Variants in LLGL2 observed in about 807,000 individuals in gnomAD.
LLGL2 encodes the protein LLGL scribble cell polarity complex component 2, also known as LLGL2, scribble cell polarity complex component.
A neutral mutation model predicts 123.2 loss-of-function variants in LLGL2; 81 were observed. The ratio of observed to expected loss-of-function variants is 0.66; its 90% confidence interval spans 0.55 to 0.79. LLGL2 has a LOEUF of 0.79. Among genes scored for constraint, LLGL2 ranks in the 30% least tolerant of loss-of-function variants. The pLI is 0.00. For missense variants in LLGL2, 1,273 were observed against 1,414.6 expected (o/e 0.90, Z 1.61); for synonymous variants, 577 against 594.1 (o/e 0.97, Z 0.42).
intron 1 of LLGL2, among the ~76,000 whole-genome samples, chr17:75,539,459 G>A (rs946612309): frequency 8.3e-5 from 9 of 108,664 alleles, no homozygotes; most frequent in Admixed American, 2.6e-4. Context: ...CAGGCTGGTC[G>A]TCTCCAGCTC....
chr17:75,564,766 A>T lies in LLGL2; in HGVS notation c.1036+259A>T. The T allele has an allele frequency of 8.6e-6, 3 of 347,486 alleles. No individual in the cohort carries two copies. The highest frequency in any genetic ancestry group is 2.2e-5 in the African/African-American group (1 of 45,646). 21.5% of individuals were successfully genotyped at this position (347,486 alleles called of 1,614,324 possible). ...GTAGTCCTAGCTACTCAGGAGGCTG[A>T]GGTGGGAGGATCACTTGAGCCTGGG... is the stretch of plus-strand genomic sequence containing the variant. On this transcript the variant is annotated intron_variant, in intron 10 of 25. Transcript: ENST00000392550. The surrounding 1 kb of genome is among the most constrained non-coding windows in gnomAD (Gnocchi z 4.9).
intron 1 of LLGL2, among the ~76,000 whole-genome samples, chr17:75,538,064 G>A (rs1347469905): frequency 3.3e-5 from 5 of 152,184 alleles, no homozygotes; most frequent in Admixed American, 3.3e-4. Flanking sequence ...GCCCGCCTTG[G>A]CCTCCCAAAC....
chr17:75,559,721 C>CT lies in LLGL2; in HGVS notation c.530+312dup, dbSNP rs2055112437. Reference sequence around the variant, plus strand: ...GCCATGGGTTTCAGAACCCCAGGGGCTCCGCAGCGGGGAAGTCGGGCCCAG... The same window carrying CT: ...GCCATGGGTTTCAGAACCCCAGGGGCTTCCGCAGCGGGGAAGTCGGGCCCAG... On this transcript the variant is annotated intron_variant, in intron 6 of 25. Transcript: ENST00000392550. The surrounding 1 kb of genome is among the most constrained non-coding windows in gnomAD (Gnocchi z 4.6). Among the ~76,000 whole-genome samples the CT allele has an allele frequency of 6.6e-6, 1 of 152,236 alleles. No individual in the cohort carries two copies. Among genetic ancestry groups the CT allele is most frequent in the African/African-American group, 2.4e-5 (1 of 41,468 alleles).
At position 75,570,039 on chromosome 17, in the gene LLGL2, A is replaced by G. The variant is rs1333361934; in HGVS notation, c.1658A>G (p.Gln553Arg). The G allele has an allele frequency of 6.2e-7, 1 of 1,612,676 alleles. No homozygotes were observed. The highest frequency in any genetic ancestry group is 8.5e-7 in the Non-Finnish European group (1 of 1,179,804). ...EQVEADLLQD[Q>R]EGYRWKGHER... Reference sequence around the variant, plus strand: ...GTGGAGGCCGACCTGCTGCAGGACCAAGAGGGCTACCGCTGGAAGGGGCAC... The same window carrying G: ...GTGGAGGCCGACCTGCTGCAGGACCGAGAGGGCTACCGCTGGAAGGGGCAC... Residue 553 changes from glutamine (Q) to arginine (R), a missense_variant, in exon 15 of 26, where the codon CAA (glutamine) becomes CGA (arginine). Gln to Arg is a conservative substitution (Grantham distance 43, BLOSUM62 1). Coordinates refer to ENST00000392550, the MANE Select transcript of LLGL2 (RefSeq NM_001031803.2).
rs2054336668 is a variant in LLGL2 at position 75,544,454 on chromosome 17, C to A, written c.75+953C>A. Among the ~76,000 whole-genome samples, 1 of 152,224 alleles carries A rather than the reference C, an allele frequency of 6.6e-6. No individual in the cohort carries two copies. Among genetic ancestry groups the A allele is most frequent in the Admixed American group, 6.5e-5 (1 of 15,278 alleles). On this transcript the variant is annotated intron_variant, in intron 2 of 25. Transcript: ENST00000392550. This position sits in a 1 kb window ranked among gnomAD's most constrained non-coding sequence, Gnocchi z 4.2. ...GTCTCCCTGTGGAGAATGAGGAAGT[C>A]TCTTTGGTTGTATTTTTGTTATTGA...
chr17:75,549,930 TGGCG>T lies in LLGL2; in HGVS notation c.76-6114_76-6111del, dbSNP rs1015000982. Among the ~76,000 whole-genome samples the T allele has an allele frequency of 6.6e-6, 1 of 152,252 alleles. No individual in the cohort carries two copies. The highest frequency in any genetic ancestry group is 2.4e-5 in the African/African-American group (1 of 41,470). On this transcript the variant is annotated intron_variant, in intron 2 of 25. Transcript: ENST00000392550. The surrounding 1 kb of genome is among the most constrained non-coding windows in gnomAD (Gnocchi z 4.0). Reference sequence around the variant, plus strand: ...CCTACTCCAGGCTAACGTTGCAGTCTGGCGGCTTCTGCAAATCTTTGCTCTCCTT... The same window carrying T: ...CCTACTCCAGGCTAACGTTGCAGTCTGCTTCTGCAAATCTTTGCTCTCCTT...
Position 75,571,072 on chromosome 17 carries a change from G to A in LLGL2, c.2148G>A (p.Leu716=), listed in dbSNP as rs2055685748. The part of the protein sequence containing the change: ...EDSFTGFVRT[L]YFADTYLKDS... ...CCTTCACAGGCTTCGTCCGGACCCTGTACTTTGCTGACACCTACCTGAAGG... is the reference window on the plus strand; with the variant it reads ...CCTTCACAGGCTTCGTCCGGACCCTATACTTTGCTGACACCTACCTGAAGG... Residue 716 remains leucine, a synonymous_variant, in exon 17 of 26, where the codon CTG becomes CTA. Coordinates refer to ENST00000392550, the MANE Select transcript of LLGL2 (RefSeq NM_001031803.2). 1 of 1,605,734 alleles carries A rather than the reference G, an allele frequency of 6.2e-7. No homozygotes were observed. The highest frequency in any genetic ancestry group is 8.5e-7 in the Non-Finnish European group (1 of 1,175,686).
In LLGL2 at chr17:75,568,688, A is replaced by G. The variant is rs772979528; in HGVS notation, c.1249A>G (p.Thr417Ala). 8.7e-6 allele frequency: 14 copies of G among 1,613,308 alleles called. No individual in the cohort carries two copies. In the African/African-American group the frequency reaches 1.7e-4, roughly 20 times the overall value. Residue 417 changes from threonine (T) to alanine (A), a missense_variant, in exon 11 of 26, where the codon ACC (threonine) becomes GCC (alanine). Coordinates refer to ENST00000392550, the MANE Select transcript of LLGL2 (RefSeq NM_001031803.2). ...AGSRQNAHFS[T>A]MEWPIDGGTS... ...CAGCCGGCAGAACGCACACTTCTCC[A>G]CCATGGTAGGTCTGGCCCTGGCCCC...
chr17:75,560,632 A>T (rs1404183280), intron 6 of LLGL2, among the ~76,000 whole-genome samples: 1 of 144,872 alleles, frequency 6.9e-6, no homozygotes, highest in Admixed American at 6.8e-5. Context: ...GATTACAGGC[A>T]TGCGCTACCA....
rs771615987 is a variant in LLGL2, at chr17:75,569,292, C to T, written c.1548C>T (p.Ser516=). Residue 516 remains serine (S), a synonymous_variant, in exon 14 of 26, where the codon AGC becomes AGT. Coordinates refer to ENST00000392550, the MANE Select transcript of LLGL2 (RefSeq NM_001031803.2). ...GIQKIFLCKY[S]GYLAVAGTAG... is the part of the protein sequence containing the mutation. ...AGAAGATCTTCCTCTGCAAGTACAG[C>T]GGCTACCTGGCTGTGGCAGGCACGG... 3.0e-5 allele frequency: 49 copies of T among 1,613,248 alleles called. No homozygotes were observed. The highest frequency in any genetic ancestry group is 5.3e-5 in the African/African-American group (4 of 74,946).
chr17:75,554,302 CA>C lies in LLGL2; in HGVS notation c.76-1726del, dbSNP rs72439797. Reference sequence around the variant, plus strand: ...GGGTGACAAGAGCAAAACTCCGTCTCAAAAAAAAAAAAAAAAAAGCCATTTT... The same window carrying C: ...GGGTGACAAGAGCAAAACTCCGTCTCAAAAAAAAAAAAAAAAAGCCATTTT... On this transcript the variant is annotated intron_variant, in intron 2 of 25. Transcript: ENST00000392550. 1.4e-4 allele frequency among the ~76,000 whole-genome samples: 19 copies of C among 134,008 alleles called. No individual in the cohort carries two copies. In the East Asian group the frequency reaches 2.1e-3, roughly 14 times the overall value. 87.9% of individuals were successfully genotyped at this position (134,008 alleles called of 152,430 possible).
intron 16 of LLGL2, 141 bp from the exon 17 acceptor site, chr17:75,570,809 A>C (rs2055670569): frequency 8.7e-7 from 1 of 1,147,970 alleles, no homozygotes; most frequent in Non-Finnish European, 1.2e-6. Flanking sequence ...CTCTTGGACA[A>C]GGGTCCCTCT....
chr17:75,530,262 G>A (rs2053727875), intron 1 of LLGL2, among the ~76,000 whole-genome samples: 1 of 152,190 alleles, frequency 6.6e-6, no homozygotes. Context: ...CAGTGCTTTG[G>A]GAGGTGGAGG....
rs758248078 is a variant in LLGL2 at position 75,573,624 on chromosome 17, C to T, written c.2869C>T (p.Arg957Ter). Reference protein sequence around the residue: ...NGAGPKKAPSRARNSGTQSDG... With the variant: ...NGAGPKKAPS ...TGCGGGCCCCAAGAAGGCCCCGAGC[C>T]GAGCCAGGTGAGTGAAAGGGCCAGA... is the stretch of plus-strand genomic sequence containing the variant. The change falls in exon 21 of 26, where the codon CGA becomes TGA. Residue 957 changes from arginine to a stop codon, truncating the protein, a stop_gained. Transcript: ENST00000392550. LOFTEE classifies it high-confidence loss of function. 5.0e-5 allele frequency: 81 copies of T among 1,608,262 alleles called. No homozygotes were observed. Among genetic ancestry groups the T allele is most frequent in the Non-Finnish European group, 6.7e-5 (79 of 1,178,038 alleles).
At position 75,564,877 on chromosome 17, in the gene LLGL2, A is replaced by C. The variant is rs932924904; in HGVS notation, c.1036+370A>C. On this transcript the variant is annotated intron_variant, in intron 10 of 25. Coordinates refer to ENST00000392550, the MANE Select transcript of LLGL2 (RefSeq NM_001031803.2). This position sits in a 1 kb window ranked among gnomAD's most constrained non-coding sequence, Gnocchi z 4.9. The stretch of plus-strand genomic sequence containing the variant: ...GACTGTGTCTCAAAAAAAAAAAAAA[A>C]AAGGGCTCTGCACAGATGTTCCTAA... Among the ~76,000 whole-genome samples, 13 of 150,618 alleles carry C rather than the reference A, an allele frequency of 8.6e-5. No individual in the cohort carries two copies. The highest frequency in any genetic ancestry group is 3.2e-4 in the African/African-American group (13 of 40,938).
intron 1 of LLGL2, among the ~76,000 whole-genome samples, chr17:75,527,586 C>CT (rs1458939371): frequency 3.3e-5 from 5 of 149,674 alleles, no homozygotes; most frequent in African/African-American, 9.8e-5. Context: ...CTTTTTTTTT[C>CT]TTTTTTTTAA....
intron 2 of LLGL2, among the ~76,000 whole-genome samples, chr17:75,551,658 G>A (rs1471734806): frequency 6.6e-6 from 1 of 152,070 alleles, no homozygotes; most frequent in Non-Finnish European, 1.5e-5. Context: ...GCCCGCCCTT[G>A]ACTTGTGGCC....
intron 2 of LLGL2, among the ~76,000 whole-genome samples, chr17:75,546,911 G>C (rs1477716917): frequency 2.0e-5 from 3 of 152,236 alleles, no homozygotes; most frequent in Middle Eastern, 3.4e-3. Context: ...GGAGCGGCAC[G>C]TGGGCTGTTG....
At chr17:75,553,381 T>C (rs2054763983) in intron 2 of LLGL2, among the ~76,000 whole-genome samples, 2 of 152,094 alleles carry the variant, frequency 1.3e-5, no homozygotes, top group African/African-American at 4.8e-5. Flanking sequence ...TTGTTGGAGC[T>C]CTCCTCCCTG....
Sources: gnomAD v4.1 joint callset for allele counts (sites outside exome capture counted in the v4.1 genomes callset) on GRCh38, gnomAD v4.1.1 for gene constraint, Gnocchi (gnomAD v3.1) non-coding constraint, MANE v1.5 for transcripts, NCBI Gene and HGNC (gene_info 2026-07-23, HGNC 2026-07-21) for gene names.